Variants in TBC1D1 observed in about 807,000 individuals in gnomAD.
TBC1D1 encodes the protein TBC1 (tre-2/USP6, BUB2, cdc16) domain family, member 1.
Under a neutral mutation model 125.6 loss-of-function variants are expected in TBC1D1, and 89 were observed. The ratio of observed to expected loss-of-function variants is 0.71; its 90% CI spans 0.60 to 0.85. The LOEUF (loss-of-function observed/expected upper bound fraction) is 0.85. Among genes scored for constraint, TBC1D1 ranks in the 40% least tolerant of loss-of-function variants. The probability of loss-of-function intolerance (pLI) is 0.00; values close to 1 mark genes in which losing one functional copy is unlikely to be tolerated. For synonymous variants in TBC1D1, 565 were observed against 564.1 expected (o/e 1.00, Z -0.02); for missense variants, 1,377 against 1,469.2 (o/e 0.94, Z 1.03).
At chr4:38,094,883 CAA>C (rs528226098) in intron 13 of TBC1D1, among the ~76,000 whole-genome samples, 43 of 60,944 alleles carry the variant, frequency 7.1e-4, no homozygotes, top group Admixed American at 1.4e-3. Flanking sequence ...AAATCACAGC[CAA>C]AAAAAAAAAA....
At chr4:37,916,359 C>T (rs200620111) in intron 2 of TBC1D1, among the ~76,000 whole-genome samples, 1 of 150,410 alleles carries the variant, frequency 6.6e-6, no homozygotes, top group African/African-American at 2.5e-5. Flanking sequence ...TGTATATATA[C>T]ATATATATAT....
intron 2 of TBC1D1, among the ~76,000 whole-genome samples, chr4:37,986,611 A>G (rs531194960): frequency 6.6e-6 from 1 of 151,996 alleles, no homozygotes; most frequent in African/African-American, 2.4e-5. Context: ...GTGCCTGGCT[A>G]ATTTTTGTAT....
intron 15 of TBC1D1, among the ~76,000 whole-genome samples, chr4:38,105,583 C>T (rs1005587921): frequency 1.3e-5 from 2 of 152,116 alleles, no homozygotes; most frequent in South Asian, 2.1e-4. Flanking sequence ...CAACCCTTGC[C>T]TTCCTCCCTC....
chr4:38,137,069 T>C, intron 19 of TBC1D1, 66 bp from the exon 22 acceptor site: 1 of 1,607,108 alleles, frequency 6.2e-7, no homozygotes, highest in Non-Finnish European at 8.5e-7. Flanking sequence ...GGACAGCGTG[T>C]GGGCACTGGA....
intron 12 of TBC1D1, among the ~76,000 whole-genome samples, chr4:38,064,237 G>A (rs546259257): frequency 6.6e-6 from 1 of 152,230 alleles, no homozygotes; most frequent in Admixed American, 6.5e-5. Context: ...TTTACCAGTC[G>A]AGAGGCATTT....
intron 15 of TBC1D1, among the ~76,000 whole-genome samples, chr4:38,106,983 C>T (rs1194773229): frequency 6.6e-6 from 1 of 151,338 alleles, no homozygotes; most frequent in African/African-American, 2.4e-5. Flanking sequence ...CTCTGCTGCC[C>T]CCTTCTCTGA....
chr4:38,083,300 C>T (rs1321333920), intron 12 of TBC1D1, among the ~76,000 whole-genome samples: 1 of 152,178 alleles, frequency 6.6e-6, no homozygotes, highest in Non-Finnish European at 1.5e-5. Flanking sequence ...CTTAAGCAAC[C>T]AAGAGTCAGC....
At chr4:37,903,576 T>G (rs1299194282) in intron 2 of TBC1D1, among the ~76,000 whole-genome samples, 1 of 152,236 alleles carries the variant, frequency 6.6e-6, no homozygotes, top group Non-Finnish European at 1.5e-5. Flanking sequence ...AAAATCTGGA[T>G]AGAAATGCTA....
chr4:37,908,695 T>G (rs561628385), intron 2 of TBC1D1, among the ~76,000 whole-genome samples: 1 of 152,080 alleles, frequency 6.6e-6, no homozygotes, highest in African/African-American at 2.4e-5. Context: ...AGCCTTCCCC[T>G]TTTCCACCCT....
At chr4:38,095,432 GATTT>G (rs1290160603) in intron 13 of TBC1D1, among the ~76,000 whole-genome samples, 4 of 152,190 alleles carry the variant, frequency 2.6e-5, no homozygotes, top group Non-Finnish European at 5.9e-5. Context: ...GAAAGGGGTA[GATTT>G]ATTCAGTTTA....
At chr4:38,052,728 G>GCACA (rs56153191) in intron 11 of TBC1D1, among the ~76,000 whole-genome samples, 3,697 of 118,244 alleles carry the variant, frequency 0.031, 69 homozygotes, top group East Asian at 0.049. Context: ...GCGCGCGCGC[G>GCACA]CACACACACA....
At chr4:38,045,999 T>C (rs978419841) in intron 10 of TBC1D1, 96 bp downstream of exon 10, 1 of 1,108,168 alleles carries the variant, frequency 9.0e-7, no homozygotes, top group East Asian at 2.4e-5. Context: ...AAACGTTTGC[T>C]GCTTGCAAAT....
intron 18 of TBC1D1, among the ~76,000 whole-genome samples, chr4:38,132,373 C>T (rs1301534699): frequency 6.6e-6 from 1 of 152,204 alleles, no homozygotes; most frequent in Admixed American, 6.5e-5. Context: ...CTGCTTTCCG[C>T]CCTGCCTTCC....
intron 2 of TBC1D1, among the ~76,000 whole-genome samples, chr4:37,999,646 G>C (rs1044888996): frequency 6.6e-6 from 1 of 152,148 alleles, no homozygotes. Context: ...GGTTGGATCT[G>C]GAAGAACCTG....
chr4:37,964,775 C>T (rs1386380145), intron 2 of TBC1D1, among the ~76,000 whole-genome samples: 1 of 152,226 alleles, frequency 6.6e-6, no homozygotes, highest in Admixed American at 6.5e-5. Context: ...CTACCTCATT[C>T]GTTCATTTGT....
intron 2 of TBC1D1, among the ~76,000 whole-genome samples, chr4:37,985,144 G>C (rs1735182664): frequency 6.6e-6 from 1 of 152,024 alleles, no homozygotes; most frequent in Admixed American, 6.5e-5. Context: ...TAGTAGAGAC[G>C]GGGTTTCACC....
At chr4:38,107,577 G>GTTTCTTTTT (rs1761528335) in intron 15 of TBC1D1, among the ~76,000 whole-genome samples, 2 of 53,104 alleles carry the variant, frequency 3.8e-5, no homozygotes, top group Non-Finnish European at 6.3e-5. Flanking sequence ...GTCTAAACAG[G>GTTTCTTTTT]TTTTTTTTTT....
chr4:37,898,492 G>A (rs1715120197), intron 1 of TBC1D1, among the ~76,000 whole-genome samples: 1 of 152,164 alleles, frequency 6.6e-6, no homozygotes, highest in South Asian at 2.1e-4. Context: ...AAACAGTCAT[G>A]GAAGATAGAA....
At chr4:37,947,320 C>G (rs1726913006) in intron 2 of TBC1D1, among the ~76,000 whole-genome samples, 1 of 152,106 alleles carries the variant, frequency 6.6e-6, no homozygotes, top group African/African-American at 2.4e-5. Flanking sequence ...CCATGCCAGG[C>G]TAATTTTTGT....
Sources: gnomAD v4.1 joint callset for allele counts (sites outside exome capture counted in the v4.1 genomes callset) on GRCh38, gnomAD v4.1.1 for gene constraint, MANE v1.5 for transcripts, NCBI Gene and HGNC (gene_info 2026-07-23, HGNC 2026-07-21) for gene names.